Variants in MGMT observed in about 807,000 individuals in gnomAD.
MGMT encodes the protein methylated-DNA--protein-cysteine methyltransferase.
MGMT carries 14 observed loss-of-function variants against 15.9 expected under a neutral mutation model. The ratio of observed to expected loss-of-function variants is 0.88; its 90% CI spans 0.58 to 1.37. The LOEUF is 1.37. Ranked by LOEUF, MGMT falls within the 40% of genes most tolerant of loss-of-function variation. The pLI is 0.00. For synonymous variants in MGMT, 130 were observed against 118.2 expected, an observed-to-expected ratio of 1.10 and a Z score of -0.65; for missense variants, 282 against 268.1, an observed-to-expected ratio of 1.05 and a Z score of -0.36.
intron 3 of MGMT, among the ~76,000 whole-genome samples, chr10:129,714,654 A>C (rs1196353696): frequency 1.3e-5 from 2 of 152,244 alleles, no homozygotes; most frequent in Non-Finnish European, 2.9e-5. Context: ...GAATTTATCA[A>C]AATGGATGTA....
At position 129,556,335 on chromosome 10, in the gene MGMT, C is replaced by T. The variant is rs1431701531; in HGVS notation, c.125+19958C>T. Among the ~76,000 whole-genome samples the T allele has an allele frequency of 3.3e-5, 5 of 152,152 alleles. No individual in the cohort carries two copies. The highest frequency in any genetic ancestry group is 1.2e-4 in the African/African-American group (5 of 41,424). ...GTAACTCAGGGTCATTAGAGGAGCC[C>T]CTCACCCAGTGTGACCGGTGTCCCC... On this transcript the variant is annotated intron_variant, in intron 2 of 4. Coordinates refer to ENST00000651593, the MANE Select transcript of MGMT (RefSeq NM_002412.5). The surrounding 1 kb of genome is among the most constrained non-coding windows in gnomAD (Gnocchi z 4.3).
chr10:129,730,056 G>A (rs1848478780), intron 3 of MGMT, among the ~76,000 whole-genome samples: 2 of 152,144 alleles, frequency 1.3e-5, no homozygotes, highest in Non-Finnish European at 2.9e-5. Context: ...GTGTCTACTG[G>A]TAAAGCCAGC....
At chr10:129,582,762 G>T (rs1013491161) in intron 2 of MGMT, among the ~76,000 whole-genome samples, 3 of 152,076 alleles carry the variant, frequency 2.0e-5, no homozygotes, top group Admixed American at 6.6e-5. Context: ...CGGGTTCCTG[G>T]CTCTTTAGTG....
chr10:129,599,084 G>C (rs888187712), intron 2 of MGMT, among the ~76,000 whole-genome samples: 8 of 152,168 alleles, frequency 5.3e-5, no homozygotes, highest in African/African-American at 1.9e-4. Flanking sequence ...TTCGCAAATC[G>C]AGCAGCCTCC....
chr10:129,580,743 G>A lies in MGMT; in HGVS notation c.125+44366G>A, dbSNP rs554192099. Among the ~76,000 whole-genome samples, 17 of 152,330 alleles carry A rather than the reference G, an allele frequency of 1.1e-4. 1 individual carries two copies. The highest frequency in any genetic ancestry group is 3.4e-4 in the African/African-American group (14 of 41,582). On this transcript the variant is annotated intron_variant, in intron 2 of 4. Coordinates refer to ENST00000651593, the MANE Select transcript of MGMT (RefSeq NM_002412.5). Reference sequence around the variant, plus strand: ...GACACCCCATGATTGGGGATACCCCGTGACCATGGATGCCCCATAACCACA... The same window carrying A: ...GACACCCCATGATTGGGGATACCCCATGACCATGGATGCCCCATAACCACA...
chr10:129,668,445 G>T (rs1433085745), intron 2 of MGMT, among the ~76,000 whole-genome samples: 2 of 152,022 alleles, frequency 1.3e-5, no homozygotes, highest in Non-Finnish European at 2.9e-5. Flanking sequence ...TTTGTTTTTT[G>T]TTGTTTGGGT....
intron 2 of MGMT, among the ~76,000 whole-genome samples, chr10:129,641,362 C>A (rs753163033): frequency 6.6e-6 from 1 of 152,162 alleles, no homozygotes; most frequent in African/African-American, 2.4e-5. Context: ...TCAATATTCT[C>A]CCCAAACTGA....
intron 2 of MGMT, among the ~76,000 whole-genome samples, chr10:129,622,177 T>G (rs1267867058): frequency 1.3e-5 from 2 of 152,220 alleles, no homozygotes; most frequent in African/African-American, 4.8e-5. Context: ...ATACCTGATC[T>G]CAAGGATAAG....
At chr10:129,726,876 T>C (rs1848440379) in intron 3 of MGMT, among the ~76,000 whole-genome samples, 4 of 152,176 alleles carry the variant, frequency 2.6e-5, no homozygotes, top group Admixed American at 2.6e-4. Flanking sequence ...ACTATAGGTT[T>C]TGTTACTGTT....
In MGMT at chr10:129,592,956, A is replaced by G. The variant is rs564295007; in HGVS notation, c.125+56579A>G. On this transcript the variant is annotated intron_variant, in intron 2 of 4. Transcript: ENST00000651593. ...TAGAAATAACTTGCATGAGGAAAAA[A>G]ATAGCTCTTTAGAGTCCTCATGATG... 3.9e-5 allele frequency among the ~76,000 whole-genome samples: 6 copies of G among 152,324 alleles called. No individual in the cohort carries two copies. In the East Asian group the frequency reaches 1.2e-3, roughly 29 times the overall value.
intron 3 of MGMT, among the ~76,000 whole-genome samples, chr10:129,732,416 G>A (rs1307643098): frequency 6.9e-6 from 1 of 145,002 alleles, no homozygotes; most frequent in Non-Finnish European, 1.5e-5. Flanking sequence ...TTGGTTTTCT[G>A]TCCTTGTGAT....
At chr10:129,608,018 G>A (rs1348806996) in intron 2 of MGMT, among the ~76,000 whole-genome samples, 1 of 152,152 alleles carries the variant, frequency 6.6e-6, no homozygotes, top group African/African-American at 2.4e-5. Context: ...ATATATCAGT[G>A]CATGTAATAT....
At chr10:129,525,711 G>GACA (rs1845862050) in intron 1 of MGMT, among the ~76,000 whole-genome samples, 3 of 152,166 alleles carry the variant, frequency 2.0e-5, no homozygotes, top group African/African-American at 7.2e-5. Flanking sequence ...CCTAAGCCAA[G>GACA]ACATGAGCAG....
intron 3 of MGMT, among the ~76,000 whole-genome samples, chr10:129,757,478 C>T (rs551200711): frequency 6.6e-5 from 10 of 152,318 alleles, no homozygotes; most frequent in Admixed American, 5.9e-4. Context: ...GCACAGAAAA[C>T]AAAACCACCA....
chr10:129,630,778 AAGTGCC>A (rs1314409521), intron 2 of MGMT, among the ~76,000 whole-genome samples: 1 of 152,252 alleles, frequency 6.6e-6, no homozygotes, highest in African/African-American at 2.4e-5. Context: ...TTACTGAGTA[AAGTGCC>A]ATGAGAAGGT....
At chr10:129,473,429 A>G (rs1845254349) in intron 1 of MGMT, among the ~76,000 whole-genome samples, 1 of 152,232 alleles carries the variant, frequency 6.6e-6, no homozygotes, top group Admixed American at 6.5e-5. Flanking sequence ...CCACCACCCC[A>G]TGAAGGAGAA....
chr10:129,534,174 G>A (rs546669466), intron 1 of MGMT, among the ~76,000 whole-genome samples: 1 of 152,164 alleles, frequency 6.6e-6, no homozygotes, highest in Non-Finnish European at 1.5e-5. Context: ...GTGGGAGGCC[G>A]TGATTTGCAC....
chr10:129,628,285 C>G (rs1440865085), intron 2 of MGMT, among the ~76,000 whole-genome samples: 1 of 152,172 alleles, frequency 6.6e-6, no homozygotes, highest in African/African-American at 2.4e-5. Flanking sequence ...TTTCCAAAAG[C>G]TTTATGAGTT....
chr10:129,491,279 G>C (rs140990095), intron 1 of MGMT, among the ~76,000 whole-genome samples: 1 of 152,156 alleles, frequency 6.6e-6, no homozygotes, highest in East Asian at 1.9e-4. Context: ...ACATTCCATC[G>C]TCTTCTGGTT....
Sources: allele counts gnomAD v4.1 joint callset (sites outside exome capture counted in the v4.1 genomes callset), GRCh38; gene constraint gnomAD v4.1.1; non-coding constraint Gnocchi (gnomAD v3.1); transcripts MANE v1.5; gene names NCBI Gene and HGNC (gene_info 2026-07-23, HGNC 2026-07-21).